ARL9: variants seen among roughly 807,000 people sequenced by gnomAD.
The protein encoded by ARL9 is ARF like GTPase 9.
A neutral mutation model predicts 27.0 loss-of-function variants in ARL9; 14 were observed. The ratio of observed to expected loss-of-function variants is 0.52; its 90% CI spans 0.34 to 0.81. The LOEUF (loss-of-function observed/expected upper bound fraction) is 0.81, where lower values mean the gene tolerates loss of function less well. ARL9 is among the 30% of genes least tolerant of loss of function. ARL9 has a pLI of 0.01. For synonymous variants in ARL9, 106 were observed against 108.7 expected, an observed-to-expected ratio of 0.98 and a Z score of 0.15; for missense variants, 294 against 290.0, an observed-to-expected ratio of 1.01 and a Z score of -0.10.
At chr4:56,519,599 A>T (rs1244527504) in intron 3 of ARL9, among the ~76,000 whole-genome samples, 4 of 151,550 alleles carry the variant, frequency 2.6e-5, no homozygotes, top group Non-Finnish European at 2.9e-5. Context: ...GACAGGCTCA[A>T]AAAAAAAATC....
At chr4:56,509,270 A>G (rs1198584311) in intron 1 of ARL9, among the ~76,000 whole-genome samples, 4 of 138,432 alleles carry the variant, frequency 2.9e-5, no homozygotes, top group African/African-American at 1.1e-4. Context: ...GTGTCATCTC[A>G]GCTCCTGCAA....
intron 2 of ARL9, among the ~76,000 whole-genome samples, chr4:56,517,756 G>T (rs750358235): frequency 1.3e-5 from 2 of 152,022 alleles, no homozygotes; most frequent in Non-Finnish European, 2.9e-5. Flanking sequence ...TGAAGAATCA[G>T]CAGGATGAAG....
In ARL9 at chr4:56,518,775, A is replaced by G; in HGVS notation, c.540A>G (p.Leu180=). The change falls in exon 3 of 4, where the codon TTA becomes TTG. Residue 180 remains leucine, a synonymous_variant. Coordinates refer to ENST00000640821, the MANE Select transcript of ARL9 (RefSeq NM_001363794.2). ...TGGATTCAGCAGATCACAGCCGATT[A>G]CCTGAAGCCAAGAAATACCTTCATC... ...FVVDSADHSR[L]PEAKKYLHQL... is the part of the protein sequence containing the mutation. 1.2e-6 allele frequency: 2 copies of G among 1,614,030 alleles called. No homozygotes were observed. The highest frequency in any genetic ancestry group is 1.7e-6 in the Non-Finnish European group (2 of 1,179,894).
At chr4:56,516,999 G>T (rs1390239170) in intron 2 of ARL9, among the ~76,000 whole-genome samples, 2 of 152,194 alleles carry the variant, frequency 1.3e-5, no homozygotes. Flanking sequence ...TTAGCTGTTG[G>T]CAGAGTGTGT....
At position 56,511,364 on chromosome 4, in the gene ARL9, T is replaced by G; in HGVS notation, c.442+17T>G. ...TCCTGGAGAGTAAGCTCTCTGTTCC[T>G]TAGTTATAAGATAGCCACATTTTAT... On this transcript the variant is annotated intron_variant, in intron 2 of 3. Coordinates refer to ENST00000640821, the MANE Select transcript of ARL9 (RefSeq NM_001363794.2). 1 of 1,602,454 alleles carries G rather than the reference T, an allele frequency of 6.2e-7. No individual in the cohort carries two copies. The highest frequency in any genetic ancestry group is 8.5e-7 in the Non-Finnish European group (1 of 1,172,892).
At chr4:56,523,643 A>C in intron 3 of ARL9, 54 bp from the exon 4 acceptor site, 2 of 1,450,246 alleles carry the variant, frequency 1.4e-6, no homozygotes, top group South Asian at 2.6e-5. Flanking sequence ...TGTTTATCTG[A>C]AAGGATTGCA....
intron 1 of ARL9, among the ~76,000 whole-genome samples, chr4:56,509,210 G>GTTTT (rs56840959): frequency 7.3e-6 from 1 of 137,438 alleles, no homozygotes; most frequent in African/African-American, 2.7e-5. Context: ...TCTTTTTTTT[G>GTTTT]TTTTTTTTTT....
chr4:56,506,786 T>TTTTGTGTGTATGTG (rs775195012), intron 1 of ARL9: 2 of 179,852 alleles, frequency 1.1e-5, no homozygotes, highest in African/African-American at 3.8e-5. Context: ...ATTAACACAG[T>TTTTGTGTGTATGTG]TGTGTGTGTG....
At chr4:56,522,078 C>G (rs1560700336) in intron 3 of ARL9, among the ~76,000 whole-genome samples, 1 of 149,662 alleles carries the variant, frequency 6.7e-6, no homozygotes, top group Non-Finnish European at 1.5e-5. Flanking sequence ...CTCCACCTCC[C>G]AGGCTTAAGC....
At chr4:56,510,572 T>G (rs1721608427) in intron 1 of ARL9, among the ~76,000 whole-genome samples, 1 of 151,952 alleles carries the variant, frequency 6.6e-6, no homozygotes, top group Non-Finnish European at 1.5e-5. Flanking sequence ...AGAAGCAAAA[T>G]GAAGTCTGAG....
At chr4:56,516,233 T>A (rs374555353) in intron 2 of ARL9, among the ~76,000 whole-genome samples, 1 of 152,190 alleles carries the variant, frequency 6.6e-6, no homozygotes, top group East Asian at 1.9e-4. Context: ...TTCCGATGGA[T>A]AAAAGCCAAA....
At chr4:56,506,983 C>A (rs4865110) in intron 1 of ARL9, among the ~76,000 whole-genome samples, 49,803 of 151,874 alleles carry the variant, frequency 0.33, 8,494 homozygotes, top group East Asian at 0.47. Flanking sequence ...TTGTGCAGAG[C>A]TGGAGTTTCG....
chr4:56,510,270 G>C (rs559551104), intron 1 of ARL9, among the ~76,000 whole-genome samples: 5 of 149,114 alleles, frequency 3.4e-5, no homozygotes, highest in African/African-American at 5.0e-5. Context: ...CAGGAGAATC[G>C]CTTGAACCCA....
At chr4:56,518,606 C>A in intron 2 of ARL9, 72 bp from the exon 3 acceptor site, 1 of 1,364,074 alleles carries the variant, frequency 7.3e-7, no homozygotes, top group Non-Finnish European at 1.0e-6. Context: ...TAGATGTGCC[C>A]TCCCTGCTCC....
rs148342820 is a variant in ARL9, at chr4:56,515,013, G to A, written c.443-3665G>A. ...GCCTGTAACTCCAGCACTTTGGGAG[G>A]CCAAGGGGGCGGATCACTCACCTAA... On this transcript the variant is annotated intron_variant, in intron 2 of 3. Transcript: ENST00000640821. 5.4e-3 allele frequency among the ~76,000 whole-genome samples: 828 copies of A among 152,244 alleles called. 9 individuals are homozygous for A. The highest frequency in any genetic ancestry group is 0.018 in the African/African-American group (729 of 41,556).
intron 2 of ARL9, among the ~76,000 whole-genome samples, chr4:56,518,067 C>G (rs1015996442): frequency 6.6e-6 from 1 of 151,916 alleles, no homozygotes; most frequent in African/African-American, 2.4e-5. Context: ...AAACACAGCT[C>G]ATTGTAGCCC....
chr4:56,509,275 C>T (rs568564068), intron 1 of ARL9, among the ~76,000 whole-genome samples: 7 of 148,534 alleles, frequency 4.7e-5, no homozygotes, highest in African/African-American at 1.5e-4. Context: ...ATCTCAGCTC[C>T]TGCAACCTCC....
At chr4:56,513,371 C>T (rs752778734) in intron 2 of ARL9, among the ~76,000 whole-genome samples, 6 of 152,194 alleles carry the variant, frequency 3.9e-5, no homozygotes, top group Non-Finnish European at 2.9e-5. Context: ...TTGCCTATAT[C>T]TCTTCATCAA....
At chr4:56,517,905 C>A (rs570853488) in intron 2 of ARL9, among the ~76,000 whole-genome samples, 6 of 152,178 alleles carry the variant, frequency 3.9e-5, no homozygotes, top group African/African-American at 1.4e-4. Flanking sequence ...TGAGACTAGC[C>A]AATGAATTCA....
Sources: allele counts gnomAD v4.1 joint callset (sites outside exome capture counted in the v4.1 genomes callset), GRCh38; gene constraint gnomAD v4.1.1; transcripts MANE v1.5; gene names NCBI Gene and HGNC (gene_info 2026-07-23, HGNC 2026-07-21).